The following FRY variants were observed in gnomAD, a reference collection of about 807,000 sequenced individuals.
The protein encoded by FRY is FRY microtubule binding protein.
In FRY, 128 loss-of-function variants were observed where a neutral mutation model predicts 348.4. The ratio of observed to expected loss-of-function variants is 0.37; its 90% CI spans 0.32 to 0.43. FRY has a LOEUF of 0.43. Ranked by LOEUF, FRY falls within the 20% of genes least tolerant of loss-of-function variation. The probability of loss-of-function intolerance (pLI) is 1.00; values close to 1 mark genes in which losing one functional copy is unlikely to be tolerated. For missense variants in FRY, 2,736 were observed against 3,695.2 expected (o/e 0.74, Z 6.73); for synonymous variants, 1,370 against 1,374.7 (o/e 1.00, Z 0.08).
In FRY at chr13:32,295,377, C is replaced by G; in HGVS notation, c.8959C>G (p.Arg2987Gly). ...GCTGATGGAGCTGAACATGGAGATC[C>G]GGGACATGATCCGCAGGGCCCAGAG... Reference protein sequence around the residue: ...TKLMELNMEIRDMIRRAQSYR... With the variant: ...TKLMELNMEIGDMIRRAQSYR... The change falls in exon 61 of 61, where the codon CGG becomes GGG. Residue 2987 changes from arginine (R) to glycine (G), a missense_variant. Physicochemically the swap from Arg to Gly is moderately radical, Grantham distance 125. Transcript: ENST00000542859. The G allele has an allele frequency of 6.2e-7, 1 of 1,613,264 alleles. No individual in the cohort carries two copies. The highest frequency in any genetic ancestry group is 8.5e-7 in the Non-Finnish European group (1 of 1,179,836).
chr13:32,148,598 G>A (rs78734869), intron 13 of FRY, among the ~76,000 whole-genome samples: 4,517 of 152,276 alleles, frequency 0.03, 91 homozygotes, highest in East Asian at 0.081. Flanking sequence ...CAGAGGAACA[G>A]GAAAAGACTA....
rs759692712 is a variant in FRY at position 32,262,322 on chromosome 13, T to A, written c.7626T>A (p.Thr2542=). ...QILEHSDLIM[T]LSPSEETNPM... ...CTTTGCTTTTTAAACAGATCATGACTCTCTCCCCCTCTGAAGAGACGAATC... is the reference window on the plus strand; with the variant it reads ...CTTTGCTTTTTAAACAGATCATGACACTCTCCCCCTCTGAAGAGACGAATC... The change falls in exon 53 of 61, where the codon ACT becomes ACA. Residue 2542 remains threonine (T), a synonymous_variant. Transcript: ENST00000542859. 12 of 1,613,314 alleles carry A rather than the reference T, an allele frequency of 7.4e-6. No homozygotes were observed. Among genetic ancestry groups the A allele is most frequent in the Non-Finnish European group, 7.6e-6 (9 of 1,179,316 alleles).
At chr13:32,235,002 G>A (rs960958386) in intron 42 of FRY, among the ~76,000 whole-genome samples, 4 of 152,154 alleles carry the variant, frequency 2.6e-5, no homozygotes, top group African/African-American at 9.7e-5. Flanking sequence ...AAATCCTCTG[G>A]TGGCTTCTTC....
chr13:32,056,711 A>G (rs749263317), intron 1 of FRY, among the ~76,000 whole-genome samples: 6 of 152,232 alleles, frequency 3.9e-5, no homozygotes. Context: ...ACTGAAAAAT[A>G]GTGAAAATAC....
intron 33 of FRY, among the ~76,000 whole-genome samples, chr13:32,210,633 T>G (rs1836012439): frequency 6.6e-6 from 1 of 152,188 alleles, no homozygotes; most frequent in African/African-American, 2.4e-5. Context: ...TTTTAAAAAC[T>G]TAGCCATTAG....
chr13:32,238,167 G>T (rs1886313484), intron 44 of FRY, among the ~76,000 whole-genome samples, 181 bp downstream of exon 44: 1 of 151,864 alleles, frequency 6.6e-6, no homozygotes, highest in South Asian at 2.1e-4. Flanking sequence ...CTGTATTATA[G>T]AAAATATTTT....
chr13:32,049,724 A>G (rs369066962), intron 1 of FRY, among the ~76,000 whole-genome samples: 1 of 152,304 alleles, frequency 6.6e-6, no homozygotes, highest in East Asian at 1.9e-4. Context: ...AAGGACTCAA[A>G]ATAAAGTAGT....
At chr13:32,177,480 G>A (rs1214182217) in intron 20 of FRY, among the ~76,000 whole-genome samples, 1 of 152,084 alleles carries the variant, frequency 6.6e-6, no homozygotes, top group Non-Finnish European at 1.5e-5. Context: ...TGTAATCCCA[G>A]CTACTGGGGA....
intron 41 of FRY, among the ~76,000 whole-genome samples, chr13:32,232,399 C>A (rs1885966692): frequency 6.6e-6 from 1 of 152,164 alleles, no homozygotes; most frequent in African/African-American, 2.4e-5. Flanking sequence ...TCTATACATA[C>A]ACAATGTATT....
At chr13:32,231,324 T>G in intron 41 of FRY, 24 bp downstream of exon 41, 1 of 1,610,424 alleles carries the variant, frequency 6.2e-7, no homozygotes, top group Non-Finnish European at 8.5e-7. Context: ...TTTGCACAGA[T>G]CCCTCTTTCA....
At chr13:32,077,635 G>A (rs112466392) in intron 1 of FRY, among the ~76,000 whole-genome samples, 1 of 152,278 alleles carries the variant, frequency 6.6e-6, no homozygotes, top group Non-Finnish European at 1.5e-5. Context: ...TAAACAAAAC[G>A]TTATATTGCT....
chr13:32,069,070 C>T (rs938995921), intron 1 of FRY, among the ~76,000 whole-genome samples: 1 of 152,084 alleles, frequency 6.6e-6, no homozygotes, highest in Non-Finnish European at 1.5e-5. Context: ...GCACCCGCCA[C>T]CACACCGGGC....
In FRY at chr13:32,224,488, T is replaced by G. The variant is rs564758117; in HGVS notation, c.4916+103T>G. 57 of 1,056,810 alleles carry G rather than the reference T, an allele frequency of 5.4e-5. No homozygotes were observed. The East Asian group carries it at 1.1e-3, about 21-fold the overall frequency. The allele number at this position is 1,056,810 out of a possible 1,614,324, so 65.5% of individuals were successfully genotyped here. A position where few individuals can be genotyped will look rare whatever the true frequency, so the allele number is the denominator to read the frequency against. ...CCAGGTCCCACCACATTAAATTATC[T>G]TATCAATCAGTGGGATCCTGCCTGA... On this transcript the variant is annotated intron_variant, in intron 37 of 60. Transcript: ENST00000542859.
At chr13:32,192,473 T>C (rs798960) in intron 28 of FRY, among the ~76,000 whole-genome samples, 81,220 of 151,616 alleles carry the variant, frequency 0.54, 22,107 homozygotes, top group African/African-American at 0.65. Flanking sequence ...CCACCACGCC[T>C]GGCTAATTTT....
chr13:32,211,621 G>A (rs564948690), intron 34 of FRY, among the ~76,000 whole-genome samples: 219 of 152,218 alleles, frequency 1.4e-3, no homozygotes, highest in Middle Eastern at 3.4e-3. Context: ...CTCATTTCTG[G>A]ATCCCCCTTC....
chr13:32,180,754 T>C (rs1244854933), intron 23 of FRY, among the ~76,000 whole-genome samples: 1 of 152,080 alleles, frequency 6.6e-6, no homozygotes, highest in Non-Finnish European at 1.5e-5. Context: ...GCAAACAAAA[T>C]TTTCCATGTA....
intron 1 of FRY, among the ~76,000 whole-genome samples, chr13:32,066,973 A>G (rs182590937): frequency 2.0e-5 from 3 of 152,378 alleles, no homozygotes; most frequent in Non-Finnish European, 4.4e-5. Context: ...TTAAGTGAGC[A>G]CAGTTATTTA....
At chr13:32,166,588 G>A (rs61946726) in intron 17 of FRY, among the ~76,000 whole-genome samples, 1 of 152,040 alleles carries the variant, frequency 6.6e-6, no homozygotes, top group Admixed American at 6.5e-5. Context: ...ACAAGATCTT[G>A]ATTATCTGGT....
intron 1 of FRY, among the ~76,000 whole-genome samples, chr13:32,055,007 C>T (rs1286228322): frequency 1.3e-5 from 2 of 152,112 alleles, no homozygotes; most frequent in Non-Finnish European, 2.9e-5. Flanking sequence ...TACAAGGTTA[C>T]CAGCTAGAGA....
Sources: allele counts gnomAD v4.1 joint callset (sites outside exome capture counted in the v4.1 genomes callset), GRCh38; gene constraint gnomAD v4.1.1; transcripts MANE v1.5; gene names NCBI Gene and HGNC (gene_info 2026-07-23, HGNC 2026-07-21).